The following PLBD2 variants were observed in gnomAD, a reference collection of about 807,000 sequenced individuals.
PLBD2 encodes putative aminopeptidase PLBD2.
A neutral mutation model predicts 68.3 loss-of-function variants in PLBD2; 51 were observed. That is an observed-to-expected ratio of 0.75 (90% CI 0.60 to 0.94). PLBD2 has a LOEUF of 0.94. Among genes scored for constraint, PLBD2 ranks in the 40% least tolerant of loss-of-function variants. The pLI, the probability that PLBD2 is intolerant of heterozygous loss-of-function variation, is 0.00. For missense variants in PLBD2, 729 were observed against 792.2 expected (o/e 0.92, Z 0.96); for synonymous variants, 314 against 339.3 (o/e 0.93, Z 0.82).
chr12:113,358,945 G>A (rs2136894356), intron 1 of PLBD2, 55 bp downstream of exon 1: 7 of 1,450,082 alleles, frequency 4.8e-6, no homozygotes, highest in African/African-American at 3.0e-5. Context: ...ATGCGTGGGC[G>A]CCGGACCTCG....
At position 113,390,498 on chromosome 12, in the gene PLBD2, C is replaced by T. The variant is rs1957600608; in HGVS notation, c.*1872C>T. On this transcript the variant is annotated 3_prime_UTR_variant, in exon 12 of 12. Coordinates refer to ENST00000280800, the MANE Select transcript of PLBD2 (RefSeq NM_173542.4). The stretch of plus-strand genomic sequence containing the variant: ...CCTTCCAACCATTTATCCACCCATC[C>T]AAACATTTCCATCTGTTTTTCCATC... 1 of 151,916 alleles carries T rather than the reference C, an allele frequency of 6.6e-6. No individual in the cohort carries two copies. The highest frequency in any genetic ancestry group is 2.4e-5 in the African/African-American group (1 of 41,340). 9.4% of individuals were successfully genotyped at this position (151,916 alleles called of 1,614,324 possible). A position where few individuals can be genotyped will look rare whatever the true frequency, so the allele number is the denominator to read the frequency against.
At chr12:113,362,736 G>A (rs560454204) in intron 1 of PLBD2, among the ~76,000 whole-genome samples, 3 of 151,674 alleles carry the variant, frequency 2.0e-5, no homozygotes, top group Non-Finnish European at 4.4e-5. Context: ...CAATTTTAGA[G>A]CAAACAAGCA....
chr12:113,358,721 G>C lies in PLBD2; in HGVS notation c.121G>C (p.Ala41Pro), dbSNP rs1414459507. Residue 41 changes from alanine (A) to proline (P), a missense_variant, in exon 1 of 12, where the codon GCG becomes CCG. Transcript: ENST00000280800. ...GCCGTTCCTGAGCGGCCTGGCGGGG[G>C]CGATCCCAGCGCCGGGGGGCCGCTG... The part of the protein sequence containing the change: ...VGPFLSGLAG[A>P]IPAPGGRWAR... The C allele has an allele frequency of 7.2e-7, 1 of 1,392,590 alleles. No homozygotes were observed. Among genetic ancestry groups the C allele is most frequent in the Non-Finnish European group, 9.3e-7 (1 of 1,080,212 alleles). The allele number at this position is 1,392,590 out of a possible 1,614,324, so 86.3% of individuals were successfully genotyped here. A position where few individuals can be genotyped will look rare whatever the true frequency, so the allele number is the denominator to read the frequency against.
rs763737888 is a variant in PLBD2 at position 113,372,721 on chromosome 12, G to T, written c.457G>T (p.Glu153Ter). The change falls in exon 3 of 12, where the codon GAG becomes TAG. Residue 153 changes from glutamate (E) to a stop codon, truncating the protein, a stop_gained. Coordinates refer to ENST00000280800, the MANE Select transcript of PLBD2 (RefSeq NM_173542.4). LOFTEE classifies it high-confidence loss of function. This position sits in a 1 kb window ranked among gnomAD's most constrained non-coding sequence, Gnocchi z 4.2. Reference sequence around the variant, plus strand: ...CTTCGAGTATGAAGTCGGCTACTGCGAGAGGCTGAAGAGCTTCCTGGAGGC... The same window carrying T: ...CTTCGAGTATGAAGTCGGCTACTGCTAGAGGCTGAAGAGCTTCCTGGAGGC... ...GPFEYEVGYCERLKSFLEANL... is the reference protein window; with the variant it reads ...GPFEYEVGYC 5.0e-6 allele frequency: 8 copies of T among 1,613,998 alleles called. No individual in the cohort carries two copies. Among genetic ancestry groups the T allele is most frequent in the African/African-American group, 1.3e-5 (1 of 74,922 alleles).
intron 3 of PLBD2, 149 bp from the exon 4 acceptor site, chr12:113,374,325 G>T: frequency 1.6e-6 from 1 of 609,280 alleles, no homozygotes; most frequent in Non-Finnish European, 3.0e-6. Flanking sequence ...TGGTAGTTTG[G>T]GGGAGTCAAG....
At chr12:113,361,997 A>T (rs1229405572) in intron 1 of PLBD2, among the ~76,000 whole-genome samples, 1 of 152,276 alleles carries the variant, frequency 6.6e-6, no homozygotes. Context: ...AAATGGATAA[A>T]TAAGGCCCAG....
At position 113,384,169 on chromosome 12, in the gene PLBD2, G is replaced by C; in HGVS notation, c.1022G>C (p.Gly341Ala). 1.2e-6 allele frequency: 2 copies of C among 1,613,992 alleles called. No homozygotes were observed. The highest frequency in any genetic ancestry group is 1.7e-6 in the Non-Finnish European group (2 of 1,179,984). ...PALWKYVRPR[G>A]CVLEWVRNIV... is the part of the protein sequence containing the mutation. ...CTGTGGAAGTATGTGCGGCCCAGGG[G>C]CTGTGTGCTGGAGTGGGTACGCAAC... Residue 341 changes from glycine to alanine, a missense_variant, in exon 7 of 12, where the codon GGC becomes GCC. By Grantham distance (60) the Gly-to-Ala change is moderately conservative (BLOSUM62 0). Transcript: ENST00000280800. The surrounding 1 kb of genome is among the most constrained non-coding windows in gnomAD (Gnocchi z 4.2).
At position 113,387,153 on chromosome 12, in the gene PLBD2, C is replaced by T. The variant is rs1402629535; in HGVS notation, c.1439+64C>T. On this transcript the variant is annotated intron_variant, in intron 10 of 11. Transcript: ENST00000280800. ...CCGCAGGAACACAGAACTTCCTGTG[C>T]GCTTTTTGTACCAACTCATTCAAAC... 28 of 1,490,550 alleles carry T rather than the reference C, an allele frequency of 1.9e-5. 1 individual carries two copies. In the Admixed American group the frequency reaches 2.4e-4, roughly 13 times the overall value. 92.3% of individuals were successfully genotyped at this position (1,490,550 alleles called of 1,614,324 possible).
rs1238716559 is a variant in PLBD2 at position 113,374,589 on chromosome 12, C to T, written c.644+15C>T. 3 of 1,572,858 alleles carry T rather than the reference C, an allele frequency of 1.9e-6. No individual in the cohort carries two copies. Among genetic ancestry groups the T allele is most frequent in the Non-Finnish European group, 2.6e-6 (3 of 1,155,360 alleles). On this transcript the variant is annotated intron_variant, in intron 4 of 11. Transcript: ENST00000280800. ...TTGGGGTTCCTGTAAGTGCCACCCC[C>T]AGAGTGAACAGGGTGGGAAGAAGGG...
At chr12:113,367,329 G>GA (rs1312676145) in intron 1 of PLBD2, among the ~76,000 whole-genome samples, 1 of 152,226 alleles carries the variant, frequency 6.6e-6, no homozygotes, top group Non-Finnish European at 1.5e-5. Flanking sequence ...TGGTAAAGAT[G>GA]AAAAAGTTTG....
chr12:113,361,346 T>G (rs150948342), intron 1 of PLBD2, among the ~76,000 whole-genome samples: 4,182 of 145,248 alleles, frequency 0.029, 77 homozygotes, highest in East Asian at 0.11. Flanking sequence ...TTTTTGTTTT[T>G]TTTTTTTTTT....
At position 113,390,932 on chromosome 12, in the gene PLBD2, C is replaced by G. The variant is rs1957605463; in HGVS notation, c.*2306C>G. 1 of 152,134 alleles carries G rather than the reference C, an allele frequency of 6.6e-6. No homozygotes were observed. The highest frequency in any genetic ancestry group is 1.5e-5 in the Non-Finnish European group (1 of 68,036). The allele number at this position is 152,134 out of a possible 1,614,324, so 9.4% of individuals were successfully genotyped here. On this transcript the variant is annotated 3_prime_UTR_variant, in exon 12 of 12. Transcript: ENST00000280800. ...ATCCACCTACCTATTCATTTATCAC[C>G]CATCCATCCACACACGGGTCTGTGC...
At chr12:113,367,500 A>G (rs1008091194) in intron 1 of PLBD2, among the ~76,000 whole-genome samples, 4 of 152,258 alleles carry the variant, frequency 2.6e-5, no homozygotes, top group African/African-American at 7.2e-5. Flanking sequence ...CTGTAATCCC[A>G]TCACTTTGGG....
At chr12:113,385,343 C>G in intron 9 of PLBD2, 60 bp downstream of exon 9, 1 of 1,451,374 alleles carries the variant, frequency 6.9e-7, no homozygotes, top group African/African-American at 1.4e-5. Flanking sequence ...CACTCCTTGC[C>G]CAGCTCCTTC....
At chr12:113,363,726 A>G (rs1490770835) in intron 1 of PLBD2, among the ~76,000 whole-genome samples, 3 of 151,766 alleles carry the variant, frequency 2.0e-5, no homozygotes, top group Admixed American at 6.6e-5. Flanking sequence ...TTTAGTAGAG[A>G]CGGGGTTTCA....
chr12:113,371,542 G>A (rs1957389010), intron 2 of PLBD2, among the ~76,000 whole-genome samples: 1 of 152,240 alleles, frequency 6.6e-6, no homozygotes, highest in African/African-American at 2.4e-5. Context: ...CTGGGCCAGG[G>A]CTGTTGTGGG....
chr12:113,383,973 TG>T, intron 6 of PLBD2, 131 bp from the exon 7 acceptor site: 2 of 755,940 alleles, frequency 2.6e-6, no homozygotes, highest in Middle Eastern at 4.3e-4. Context: ...CACTCCAGCC[TG>T]GGCAAGAGTG....
At chr12:113,379,307 C>CAAAAAAAAAAAAAAAAAAAAAAAAAAA (rs759130410) in intron 5 of PLBD2, among the ~76,000 whole-genome samples, 1 of 46,480 alleles carries the variant, frequency 2.2e-5, no homozygotes, top group African/African-American at 7.3e-5. Flanking sequence ...GACTCTGTCT[C>CAAAAAAAAAAAAAAAAAAAAAAAAAAA]AAAAAAAAAA....
At chr12:113,369,080 C>T (rs1038648512) in intron 1 of PLBD2, 36 bp from the exon 2 acceptor site, 20 of 1,489,342 alleles carry the variant, frequency 1.3e-5, no homozygotes, top group Non-Finnish European at 1.8e-5. Context: ...CTGGGGGCCT[C>T]TGCTGCTGAC....
Sources: gnomAD v4.1 joint callset for allele counts (sites outside exome capture counted in the v4.1 genomes callset) on GRCh38, gnomAD v4.1.1 for gene constraint, Gnocchi (gnomAD v3.1) non-coding constraint, MANE v1.5 for transcripts, NCBI Gene and HGNC (gene_info 2026-07-23, HGNC 2026-07-21) for gene names.